Variants in MYBPC2 observed in about 807,000 individuals in gnomAD.
MYBPC2 encodes the protein myosin binding protein C2.
MYBPC2 carries 122 observed loss-of-function variants against 137.0 expected under a neutral mutation model. The ratio of observed to expected loss-of-function variants is 0.89; its 90% confidence interval spans 0.77 to 1.03. MYBPC2 has a LOEUF of 1.03. MYBPC2 is among the 50% of genes least tolerant of loss of function. MYBPC2 has a pLI of 0.00. For synonymous variants in MYBPC2, 626 were observed against 612.3 expected (o/e 1.02, Z -0.33); for missense variants, 1,500 against 1,534.4 (o/e 0.98, Z 0.37).
At chr19:50,452,747 A>C (rs947699540) in intron 16 of MYBPC2, among the ~76,000 whole-genome samples, 3 of 152,076 alleles carry the variant, frequency 2.0e-5, no homozygotes, top group African/African-American at 4.8e-5. Flanking sequence ...TTGTAGGGAC[A>C]GGGTTTCACC....
chr19:50,441,405 A>G (rs776091291), intron 8 of MYBPC2, among the ~76,000 whole-genome samples: 11 of 152,178 alleles, frequency 7.2e-5, no homozygotes, highest in Non-Finnish European at 7.3e-5. Context: ...CAATTTCTGT[A>G]TAACCTGCTC....
chr19:50,445,678 C>A (rs1855023630), intron 11 of MYBPC2, among the ~76,000 whole-genome samples: 1 of 152,114 alleles, frequency 6.6e-6, no homozygotes, highest in Non-Finnish European at 1.5e-5. Context: ...CAGGCATGAG[C>A]CAGCGTGCCT....
intron 16 of MYBPC2, 48 bp downstream of exon 16, chr19:50,452,051 A>G (rs1169340007): frequency 2.6e-6 from 4 of 1,525,432 alleles, no homozygotes; most frequent in Non-Finnish European, 3.6e-6. Flanking sequence ...CGTTTAGGCA[A>G]GTCTCTTTCC....
intron 16 of MYBPC2, among the ~76,000 whole-genome samples, chr19:50,453,643 C>T (rs951538578): frequency 3.3e-5 from 5 of 151,844 alleles, no homozygotes; most frequent in Admixed American, 1.3e-4. Flanking sequence ...TGGGTTCAAG[C>T]GATTCTTCTG....
intron 18 of MYBPC2, 54 bp downstream of exon 18, chr19:50,454,423 T>A (rs964588115): frequency 0.084 from 41,771 of 498,890 alleles, 401 homozygotes; most frequent in Admixed American, 0.25. Flanking sequence ...GCCTTCTGTT[T>A]TTTTTTTTTT....
At chr19:50,447,764 G>C (rs1319188409) in intron 12 of MYBPC2, among the ~76,000 whole-genome samples, 1 of 152,120 alleles carries the variant, frequency 6.6e-6, no homozygotes, top group Non-Finnish European at 1.5e-5. Context: ...GGCTGAGGCA[G>C]GAGTATCACT....
At chr19:50,442,354 C>G in intron 9 of MYBPC2, 41 bp downstream of exon 9, 1 of 1,595,650 alleles carries the variant, frequency 6.3e-7, no homozygotes, top group Non-Finnish European at 8.5e-7. Context: ...GGGAGATCCC[C>G]GTCCAGAGAG....
intron 25 of MYBPC2, 72 bp downstream of exon 25, chr19:50,461,773 G>GCCCTC (rs2039973944): frequency 1.3e-6 from 2 of 1,597,886 alleles, no homozygotes; most frequent in South Asian, 2.2e-5. Context: ...CTGGACTCCT[G>GCCCTC]CCCTCCCCTC....
At chr19:50,464,091 C>T (rs773123539) in intron 26 of MYBPC2, 1 of 401,664 alleles carries the variant, frequency 2.5e-6, no homozygotes, top group African/African-American at 2.1e-5. Flanking sequence ...GTGTGGGACC[C>T]TGTGGGCCAC....
At position 50,451,915 on chromosome 19, in the gene MYBPC2, T is replaced by C. The variant is rs1366719157; in HGVS notation, c.1661T>C (p.Ile554Thr). The change falls in exon 16 of 28, where the codon ATT (isoleucine) becomes ACT (threonine). Residue 554 changes from isoleucine to threonine, a missense_variant. Transcript: ENST00000357701. ...DCSGKTSENA[I>T]VVVAGNKLRL... Reference sequence around the variant, plus strand: ...TCGGGGAAGACCTCAGAGAATGCGATTGTGGTTGTGGCTGGAAACAAGCTG... The same window carrying C: ...TCGGGGAAGACCTCAGAGAATGCGACTGTGGTTGTGGCTGGAAACAAGCTG... The C allele has an allele frequency of 3.2e-6, 5 of 1,583,190 alleles. No individual in the cohort carries two copies. Among genetic ancestry groups the C allele is most frequent in the African/African-American group, 1.3e-5 (1 of 74,368 alleles).
At chr19:50,445,486 G>C (rs567975226) in intron 11 of MYBPC2, among the ~76,000 whole-genome samples, 1 of 150,172 alleles carries the variant, frequency 6.7e-6, no homozygotes, top group African/African-American at 2.5e-5. Context: ...TCTGCCTCCC[G>C]GATTCAAGCA....
rs570490392 is a variant in MYBPC2, at chr19:50,457,319, C to T, written c.2339-1268C>T. Among the ~76,000 whole-genome samples, 17 of 152,278 alleles carry T rather than the reference C, an allele frequency of 1.1e-4. 1 individual carries two copies. Among genetic ancestry groups the T allele is most frequent in the Middle Eastern group, 6.8e-3 (2 of 294 alleles). On this transcript the variant is annotated intron_variant, in intron 20 of 27. Transcript: ENST00000357701. ...TTGTTAGAGTTCACTCTGTTGATTG[C>T]TGCTCTGAGCCAACAGCCATGAGTT... is the stretch of plus-strand genomic sequence containing the variant.
intron 7 of MYBPC2, among the ~76,000 whole-genome samples, chr19:50,440,360 A>AAATAAATAAATAAATG (rs1347620577): frequency 1.3e-5 from 2 of 151,524 alleles, no homozygotes; most frequent in South Asian, 4.2e-4. Context: ...ATAAATAAAT[A>AAATAAATAAATAAATG]AATGAAAAGA....
In MYBPC2 at chr19:50,437,687, G is replaced by A; in HGVS notation, c.541G>A (p.Glu181Lys). 2 of 1,605,244 alleles carry A rather than the reference G, an allele frequency of 1.2e-6. No homozygotes were observed. Among genetic ancestry groups the A allele is most frequent in the Non-Finnish European group, 1.7e-6 (2 of 1,175,830 alleles). ...TSEKKSDTAG[E>K]LDFSGLLKKR... Reference sequence around the variant, plus strand: ...TGAAAAGAAGTCGGATACTGCAGGTGAGCTGGATTTCAGTGGCCTGTTGAA... The same window carrying A: ...TGAAAAGAAGTCGGATACTGCAGGTAAGCTGGATTTCAGTGGCCTGTTGAA... The change falls in exon 7 of 28, where the codon GAG (glutamate) becomes AAG (lysine). Residue 181 changes from glutamate (E) to lysine (K), a missense_variant. Glu to Lys is a moderately conservative substitution (Grantham distance 56, BLOSUM62 1). Coordinates refer to ENST00000357701, the MANE Select transcript of MYBPC2 (RefSeq NM_004533.4).
Position 50,435,237 on chromosome 19 carries a change from A to T in MYBPC2, c.96A>T (p.Ala32=). Residue 32 remains alanine, a synonymous_variant, in exon 2 of 28, where the codon GCA becomes GCT. Transcript: ENST00000357701. This position sits in a 1 kb window ranked among gnomAD's most constrained non-coding sequence, Gnocchi z 4.8. The part of the protein sequence containing the change: ...PKEAPPKEAP[A]EAPKEAPPED... ...AGGCTCCCCCTAAGGAGGCTCCTGC[A>T]GAGGCCCCCAAAGGTGAGGAGGTGC... 1 of 1,255,512 alleles carries T rather than the reference A, an allele frequency of 8.0e-7. No individual in the cohort carries two copies. Among genetic ancestry groups the T allele is most frequent in the Non-Finnish European group, 1.2e-6 (1 of 864,260 alleles). 77.8% of individuals were successfully genotyped at this position (1,255,512 alleles called of 1,614,324 possible).
At chr19:50,456,130 C>G (rs1053740757) in intron 20 of MYBPC2, among the ~76,000 whole-genome samples, 1 of 126,474 alleles carries the variant, frequency 7.9e-6, no homozygotes, top group Non-Finnish European at 1.6e-5. Flanking sequence ...CCATCATTTC[C>G]ATCCATCCAT....
chr19:50,437,501 T>C lies in MYBPC2; in HGVS notation c.492T>C (p.Ser164=), dbSNP rs1455781734. 2 of 1,610,508 alleles carry C rather than the reference T, an allele frequency of 1.2e-6. No homozygotes were observed. The highest frequency in any genetic ancestry group is 1.7e-5 in the Admixed American group (1 of 59,518). ...CCCGTCAGGATGCCTCTGGGCAGAG[T>C]CTAGAAAGCTTCAAGCGTACGTAAG... is the stretch of plus-strand genomic sequence containing the variant. ...EAPRQDASGQ[S]LESFKRTSEK... is the part of the protein sequence containing the mutation. The change falls in exon 6 of 28, where the codon AGT becomes AGC. Residue 164 remains serine (S), a synonymous_variant. Coordinates refer to ENST00000357701, the MANE Select transcript of MYBPC2 (RefSeq NM_004533.4).
In MYBPC2 at chr19:50,459,295, TC is replaced by T. The variant is rs761011629; in HGVS notation, c.2782del (p.Arg928AlafsTer10). 1.2e-6 allele frequency: 2 copies of T among 1,600,886 alleles called. No homozygotes were observed. Among genetic ancestry groups the T allele is most frequent in the South Asian group, 1.1e-5 (1 of 90,300 alleles). On this transcript the variant is annotated frameshift_variant, in exon 23 of 28. Transcript: ENST00000357701. LOFTEE classifies it high-confidence loss of function. Reference sequence around the variant, plus strand: ...ATGAAGGACACCGCCACCATCCGCATCCGCGTTGTGGGTGCGCGCGCTGGGG... The same window carrying T: ...ATGAAGGACACCGCCACCATCCGCATCGCGTTGTGGGTGCGCGCGCTGGGG... ...ENMKDTATIR[I>X]RVVEKAGPPI...
In MYBPC2 at chr19:50,446,010, A is replaced by C; in HGVS notation, c.1264A>C (p.Ile422Leu). 1.9e-6 allele frequency: 3 copies of C among 1,613,494 alleles called. No individual in the cohort carries two copies. The highest frequency in any genetic ancestry group is 2.5e-6 in the Non-Finnish European group (3 of 1,179,706). Residue 422 changes from isoleucine to leucine, a missense_variant, in exon 12 of 28, where the codon ATA (isoleucine) becomes CTA (leucine). Ile to Leu is a conservative substitution (Grantham distance 5). Transcript: ENST00000357701. Reference protein sequence around the residue: ...VQEDRGRYQVITNGGQCEAEL... With the variant: ...VQEDRGRYQVLTNGGQCEAEL... ...GGAGGACAGGGGTCGCTATCAGGTC[A>C]TAACCAATGGCGGCCAGTGTGAGGC... is the stretch of plus-strand genomic sequence containing the variant.
Sources: gnomAD v4.1 joint callset for allele counts (sites outside exome capture counted in the v4.1 genomes callset) on GRCh38, gnomAD v4.1.1 for gene constraint, Gnocchi (gnomAD v3.1) non-coding constraint, MANE v1.5 for transcripts, NCBI Gene and HGNC (gene_info 2026-07-23, HGNC 2026-07-21) for gene names.